PDXDC1: variants seen among roughly 807,000 people sequenced by gnomAD.
PDXDC1 encodes pyridoxal dependent decarboxylase domain containing 1.
Under a neutral mutation model 100.1 loss-of-function variants are expected in PDXDC1, and 42 were observed. That is an observed-to-expected ratio of 0.42 (90% CI 0.33 to 0.54). The LOEUF is 0.54. Ranked by LOEUF, PDXDC1 falls within the 20% of genes least tolerant of loss-of-function variation. The pLI, the probability that PDXDC1 is intolerant of heterozygous loss-of-function variation, is 0.10. For missense variants in PDXDC1, 636 were observed against 979.2 expected (o/e 0.65, Z 4.68); for synonymous variants, 260 against 371.7 (o/e 0.70, Z 3.46).
chr16:14,995,433 T>G (rs1971749967), intron 1 of PDXDC1, among the ~76,000 whole-genome samples: 1 of 152,298 alleles, frequency 6.6e-6, no homozygotes, highest in Non-Finnish European at 1.5e-5. Flanking sequence ...GTTTATATGC[T>G]GGATTACATT....
At chr16:15,065,957 CATAAA>C (rs2044951799) in intron 16 of PDXDC1, among the ~76,000 whole-genome samples, 3 of 152,242 alleles carry the variant, frequency 2.0e-5, no homozygotes, top group Admixed American at 6.5e-5. Context: ...TAGAAGAAAA[CATAAA>C]ATAAAGACAA....
At chr16:15,133,711 A>G in intron 16 of PDXDC1, 1 of 1,604,712 alleles carries the variant, frequency 6.2e-7, no homozygotes, top group Non-Finnish European at 8.5e-7. Flanking sequence ...AGCCTGAGGG[A>G]CGGTCCCCAT....
downstream of PDXDC1, chr16:15,039,915 A>G: frequency 9.8e-7 from 1 of 1,016,180 alleles, no homozygotes; most frequent in Non-Finnish European, 1.5e-6. Flanking sequence ...TAAGGCCTTG[A>G]CATTTGATGC....
Position 14,975,050 on chromosome 16 carries a change from C to G in PDXDC1, c.-150C>G, listed in dbSNP as rs1966575691. 7.9e-6 allele frequency: 12 copies of G among 1,519,940 alleles called. No homozygotes were observed. Among genetic ancestry groups the G allele is most frequent in the African/African-American group, 2.8e-5 (2 of 72,292 alleles). The allele number at this position is 1,519,940 out of a possible 1,614,324, so 94.2% of individuals were successfully genotyped here. A position where few individuals can be genotyped will look rare whatever the true frequency, so the allele number is the denominator to read the frequency against. On this transcript the variant is annotated 5_prime_UTR_variant, in exon 1 of 23. Transcript: ENST00000396410. Reference sequence around the variant, plus strand: ...CCTCTCAACCATCAGGTTCGGCAGCCCGCGGCGCCGCCTGGCAGCTCCTCC... The same window carrying G: ...CCTCTCAACCATCAGGTTCGGCAGCGCGCGGCGCCGCCTGGCAGCTCCTCC...
chr16:15,133,507 A>G (rs1353627616), intron 16 of PDXDC1: 3 of 873,378 alleles, frequency 3.4e-6, no homozygotes, highest in Admixed American at 2.0e-5. Context: ...GGGCGACCAC[A>G]GCGGCTCCCA....
chr16:15,028,882 G>T lies in PDXDC1; in HGVS notation c.1209G>T (p.Pro403=), dbSNP rs762361572. 1.2e-6 allele frequency: 2 copies of T among 1,613,554 alleles called. No homozygotes were observed. The highest frequency in any genetic ancestry group is 1.7e-5 in the Admixed American group (1 of 60,008). ...CTTTCTGTGTTTTGGTGTCAGATCC[G>T]GTGTTTAAAGCCGTCCCAGTGCCCA... ...RFFQELPGSD[P]VFKAVPVPNM... is the part of the protein sequence containing the mutation. The change falls in exon 15 of 23, where the codon CCG becomes CCT. Residue 403 remains proline, a synonymous_variant. Coordinates refer to ENST00000396410, the MANE Select transcript of PDXDC1 (RefSeq NM_015027.4).
At chr16:14,980,157 A>G (rs1012134501) in intron 1 of PDXDC1, among the ~76,000 whole-genome samples, 2 of 152,288 alleles carry the variant, frequency 1.3e-5, no homozygotes, top group Admixed American at 6.5e-5. Context: ...TCAATTTTGC[A>G]GGGGAAGTCA....
chr16:14,998,649 A>T lies in PDXDC1; in HGVS notation c.161+244A>T, dbSNP rs1361248831. ...TTTTCAGTAGAGATGGGATTTTGCC[A>T]TGTTGGCCAGGCTGGTTTCTAACTC... On this transcript the variant is annotated intron_variant, in intron 3 of 22. Coordinates refer to ENST00000396410, the MANE Select transcript of PDXDC1 (RefSeq NM_015027.4). Among the ~76,000 whole-genome samples, 8 of 152,390 alleles carry T rather than the reference A, an allele frequency of 5.2e-5. No homozygotes were observed. In the East Asian group the frequency reaches 1.5e-3, roughly 29 times the overall value.
At chr16:15,016,907 G>A (rs1481001092) in intron 9 of PDXDC1, among the ~76,000 whole-genome samples, 1 of 152,288 alleles carries the variant, frequency 6.6e-6, no homozygotes, top group Non-Finnish European at 1.5e-5. Context: ...AATGAGCGGG[G>A]ATAGTTCCTG....
chr16:15,148,380 T>A, the PDXDC1 span, among the ~76,000 whole-genome samples: 1 of 113,360 alleles, frequency 8.8e-6, no homozygotes, highest in African/African-American at 3.6e-5. Flanking sequence ...ATTTTTTTTT[T>A]TTTTTTTTTT....
At chr16:15,020,012 T>C (rs754007246) in intron 12 of PDXDC1, among the ~76,000 whole-genome samples, 1 of 148,358 alleles carries the variant, frequency 6.7e-6, no homozygotes, top group Non-Finnish European at 1.5e-5. Flanking sequence ...CTCAGGAGGC[T>C]GAGGCCGGAG....
intron 16 of PDXDC1, among the ~76,000 whole-genome samples, chr16:15,063,927 A>C (rs955246735): frequency 3.9e-5 from 6 of 152,156 alleles, no homozygotes; most frequent in African/African-American, 1.4e-4. Context: ...ATGAAACCGT[A>C]ATATTCTGGA....
chr16:15,034,015 C>T, intron 19 of PDXDC1: 1 of 543,628 alleles, frequency 1.8e-6, no homozygotes, highest in Non-Finnish European at 3.3e-6. Flanking sequence ...TCTGGGTGGA[C>T]TCCTTAAGGT....
At chr16:15,103,545 C>T (rs2046644471) in intron 16 of PDXDC1, among the ~76,000 whole-genome samples, 1 of 151,556 alleles carries the variant, frequency 6.6e-6, no homozygotes. Flanking sequence ...GCTCTGTCAC[C>T]CAGGCTAGAG....
intron 14 of PDXDC1, among the ~76,000 whole-genome samples, chr16:15,028,533 T>C (rs2042800783): frequency 6.6e-6 from 1 of 152,308 alleles, no homozygotes. Flanking sequence ...TGGCACCCAC[T>C]GTGAGGCCTA....
intron 12 of PDXDC1, among the ~76,000 whole-genome samples, chr16:15,021,971 A>G (rs1469669546): frequency 1.3e-5 from 2 of 152,300 alleles, no homozygotes; most frequent in Admixed American, 6.5e-5. Flanking sequence ...CACTGATGAC[A>G]GTGTATTCAG....
At chr16:14,987,282 G>A (rs1969591777) in intron 1 of PDXDC1, among the ~76,000 whole-genome samples, 2 of 152,298 alleles carry the variant, frequency 1.3e-5, no homozygotes, top group Non-Finnish European at 2.9e-5. Flanking sequence ...CTTTTTTAAA[G>A]TGTTGAGTTG....
At chr16:15,059,389 TC>T (rs2044634483) in intron 16 of PDXDC1, among the ~76,000 whole-genome samples, 1 of 152,156 alleles carries the variant, frequency 6.6e-6, no homozygotes, top group Non-Finnish European at 1.5e-5. Context: ...AAAAAAAACT[TC>T]CCATGGAAGT....
chr16:15,104,267 T>C (rs561621944), intron 16 of PDXDC1: 3 of 1,379,932 alleles, frequency 2.2e-6, no homozygotes, highest in Non-Finnish European at 2.9e-6. Flanking sequence ...CCTCAGGCAA[T>C]CATACCAGAT....
Sources: allele counts gnomAD v4.1 joint callset (sites outside exome capture counted in the v4.1 genomes callset), GRCh38; gene constraint gnomAD v4.1.1; transcripts MANE v1.5; gene names NCBI Gene and HGNC (gene_info 2026-07-23, HGNC 2026-07-21).